KDM7A: variants seen among roughly 807,000 people sequenced by gnomAD.
KDM7A encodes lysine-specific demethylase 7A.
Under a neutral mutation model 114.8 loss-of-function variants are expected in KDM7A, and 28 were observed. That is an observed-to-expected ratio of 0.24 (90% CI 0.18 to 0.33). The LOEUF (loss-of-function observed/expected upper bound fraction) is 0.33. KDM7A is among the 10% of genes least tolerant of loss of function. KDM7A has a pLI of 1.00. For synonymous variants in KDM7A, 423 were observed against 397.8 expected, an observed-to-expected ratio of 1.06 and a Z score of -0.75; for missense variants, 942 against 1,142.5, an observed-to-expected ratio of 0.82 and a Z score of 2.53.
chr7:140,091,085 G>T lies in KDM7A; in HGVS notation c.*9C>A. On this transcript the variant is annotated 3_prime_UTR_variant, in exon 20 of 20. Transcript: ENST00000397560. ...TCCAAAGGGAAGAATGGCTGCAACAGCAGCTCTGTCACACAAAGAAACGTG... is the reference window on the plus strand; with the variant it reads ...TCCAAAGGGAAGAATGGCTGCAACATCAGCTCTGTCACACAAAGAAACGTG... The T allele has an allele frequency of 6.2e-7, 1 of 1,601,504 alleles. No individual in the cohort carries two copies. Among genetic ancestry groups the T allele is most frequent in the Non-Finnish European group, 8.6e-7 (1 of 1,168,432 alleles).
Position 140,176,258 on chromosome 7 carries a change from C to G in KDM7A, c.194+486G>C, listed in dbSNP as rs1794705936. On this transcript the variant is annotated intron_variant, in intron 1 of 19. Transcript: ENST00000397560. The surrounding 1 kb of genome is among the most constrained non-coding windows in gnomAD (Gnocchi z 4.4). ...GCGCGGAGGAGACGCGGGGCCGGGGCGACCCCATCGCCGCCCGGAAGGAAG... is the reference window on the plus strand; with the variant it reads ...GCGCGGAGGAGACGCGGGGCCGGGGGGACCCCATCGCCGCCCGGAAGGAAG... Among the ~76,000 whole-genome samples the G allele has an allele frequency of 6.6e-6, 1 of 150,722 alleles. No homozygotes were observed. The highest frequency in any genetic ancestry group is 1.5e-5 in the Non-Finnish European group (1 of 67,724).
chr7:140,108,706 T>C (rs1818384321), intron 11 of KDM7A, among the ~76,000 whole-genome samples: 1 of 152,230 alleles, frequency 6.6e-6, no homozygotes, highest in Admixed American at 6.5e-5. Flanking sequence ...CCATTTAGGC[T>C]ACCCAGGGGT....
intron 11 of KDM7A, among the ~76,000 whole-genome samples, chr7:140,102,846 T>C (rs1227185711): frequency 6.6e-6 from 1 of 152,252 alleles, no homozygotes; most frequent in African/African-American, 2.4e-5. Flanking sequence ...ATTATACATC[T>C]ATGTAGTTTT....
rs1172558761 is a variant in KDM7A, at chr7:140,084,843, G to A, written c.*6251C>T. The A allele has an allele frequency of 6.6e-6, 1 of 151,996 alleles. No individual in the cohort carries two copies. Among genetic ancestry groups the A allele is most frequent in the Non-Finnish European group, 1.5e-5 (1 of 68,008 alleles). The allele number at this position is 151,996 out of a possible 1,614,324, so 9.4% of individuals were successfully genotyped here. A position where few individuals can be genotyped will look rare whatever the true frequency, so the allele number is the denominator to read the frequency against. On this transcript the variant is annotated 3_prime_UTR_variant, in exon 20 of 20. Coordinates refer to ENST00000397560, the MANE Select transcript of KDM7A (RefSeq NM_030647.2). ...ACAAAATGAGCAAAAAATACACTAA[G>A]TGCTAAAAAAATCAAAACAGAAGTA...
In KDM7A at chr7:140,088,643, C is replaced by A; in HGVS notation, c.*2451G>T. ...CACTGGATCAGTGGCCGAATTTTCA[C>A]CAATTCAGAAAAAGACACATGGATT... On this transcript the variant is annotated 3_prime_UTR_variant, in exon 20 of 20. Transcript: ENST00000397560. 2 of 395,894 alleles carry A rather than the reference C, an allele frequency of 5.1e-6. No homozygotes were observed. Among genetic ancestry groups the A allele is most frequent in the Non-Finnish European group, 8.9e-6 (2 of 224,314 alleles). 24.5% of individuals were successfully genotyped at this position (395,894 alleles called of 1,614,324 possible). A position where few individuals can be genotyped will look rare whatever the true frequency, so the allele number is the denominator to read the frequency against.
At chr7:140,115,504 G>A (rs986248962) in intron 9 of KDM7A, among the ~76,000 whole-genome samples, 2 of 152,094 alleles carry the variant, frequency 1.3e-5, no homozygotes, top group African/African-American at 2.4e-5. Flanking sequence ...CCCCAACCCC[G>A]TGCTCTCTGA....
intron 7 of KDM7A, 140 bp from the exon 8 acceptor site, chr7:140,120,669 C>T: frequency 1.8e-6 from 1 of 557,474 alleles, no homozygotes. Flanking sequence ...ATGTTTATTA[C>T]AATCTATAGA....
intron 11 of KDM7A, among the ~76,000 whole-genome samples, chr7:140,105,951 T>C (rs986477706): frequency 2.0e-5 from 3 of 152,104 alleles, no homozygotes; most frequent in African/African-American, 7.3e-5. Flanking sequence ...CTCTTAATTA[T>C]TGCCTCAATT....
At chr7:140,125,271 C>T (rs1417157113) in intron 6 of KDM7A, among the ~76,000 whole-genome samples, 3 of 152,190 alleles carry the variant, frequency 2.0e-5, no homozygotes, top group South Asian at 2.1e-4. Flanking sequence ...TAGCCCAGAA[C>T]ATTGCTGAGG....
At chr7:140,173,654 C>A (rs974683715) in intron 1 of KDM7A, among the ~76,000 whole-genome samples, 2 of 152,168 alleles carry the variant, frequency 1.3e-5, no homozygotes, top group African/African-American at 4.8e-5. Context: ...TACAGATGGA[C>A]CACCTCTGGT....
intron 4 of KDM7A, 40 bp from the exon 5 acceptor site, chr7:140,127,623 G>T: frequency 6.4e-7 from 1 of 1,552,646 alleles, no homozygotes. Context: ...GGACTTAAGA[G>T]TTACATCAGC....
At chr7:140,093,035 G>C (rs189845707) in intron 18 of KDM7A, among the ~76,000 whole-genome samples, 13 of 152,032 alleles carry the variant, frequency 8.6e-5, no homozygotes, top group Admixed American at 7.2e-4. Context: ...GCAAGTAATT[G>C]CTTAAATATT....
rs1225342027 is a variant in KDM7A, at chr7:140,127,527, T to C, written c.616A>G (p.Thr206Ala). Residue 206 changes from threonine to alanine, a missense_variant, in exon 5 of 20, where the codon ACA (threonine) becomes GCA (alanine). Physicochemically the swap from Thr to Ala is moderately conservative, Grantham distance 58. Around this residue, in one of 4 missense-constraint regions of KDM7A, gnomAD observed 318 missense variants for 453.1 expected, o/e 0.70. Coordinates refer to ENST00000397560, the MANE Select transcript of KDM7A (RefSeq NM_030647.2). The stretch of plus-strand genomic sequence containing the variant: ...AAGTATTTAACATAATTGTGAAGTG[T>C]CATTTTGCTGTCTGCCTGCCTCGCC... ...DVARQADSKM[T>A]LHNYVKYFMN... is the part of the protein sequence containing the mutation. The C allele has an allele frequency of 6.2e-7, 1 of 1,613,874 alleles. No homozygotes were observed. The highest frequency in any genetic ancestry group is 1.7e-5 in the Admixed American group (1 of 60,014).
Position 140,129,529 on chromosome 7 carries a change from G to A in KDM7A, c.523C>T (p.Pro175Ser), listed in dbSNP as rs372090654. ...TCCACATCCATCACAGAAAATGTAG[G>A]TGAAGGGAGCCTGAGTCCTAGATCA... is the stretch of plus-strand genomic sequence containing the variant. ...LDDLGLRLPS[P>S]TFSVMDVERY... is the part of the protein sequence containing the mutation. The change falls in exon 4 of 20, where the codon CCT becomes TCT. Residue 175 changes from proline (P) to serine (S), a missense_variant. Pro to Ser is a moderately conservative substitution (Grantham distance 74, BLOSUM62 -1). Coordinates refer to ENST00000397560, the MANE Select transcript of KDM7A (RefSeq NM_030647.2). 3.7e-6 allele frequency: 6 copies of A among 1,613,518 alleles called. No individual in the cohort carries two copies. The African/African-American group carries it at 8.0e-5, about 22-fold the overall frequency.
intron 7 of KDM7A, among the ~76,000 whole-genome samples, chr7:140,120,964 T>C (rs1446898141): frequency 6.6e-6 from 1 of 152,182 alleles, no homozygotes; most frequent in Non-Finnish European, 1.5e-5. Flanking sequence ...ATTTTACTCT[T>C]TGAGACCAGC....
At position 140,092,064 on chromosome 7, in the gene KDM7A, C is replaced by T. The variant is rs760317643; in HGVS notation, c.2471G>A (p.Ser824Asn). ...ACCTTCCTTTCTGATGCATTTCTGG[C>T]TTCTACTTAGATCCTGAAGGAGGAG... ...SRFHPQDLSR[S>N]QKCIRKEGSS... The change falls in exon 19 of 20, where the codon AGC (serine) becomes AAC (asparagine). Residue 824 changes from serine (S) to asparagine (N), a missense_variant. By Grantham distance (46) the Ser-to-Asn change is conservative (BLOSUM62 1). Transcript: ENST00000397560. 2 of 1,614,062 alleles carry T rather than the reference C, an allele frequency of 1.2e-6. No homozygotes were observed. The highest frequency in any genetic ancestry group is 2.2e-5 in the South Asian group (2 of 91,076).
At chr7:140,115,214 G>A (rs933573029) in intron 9 of KDM7A, among the ~76,000 whole-genome samples, 3 of 150,040 alleles carry the variant, frequency 2.0e-5, no homozygotes, top group Non-Finnish European at 4.4e-5. Context: ...CGTCCGGGAG[G>A]TAGGGGGCGC....
chr7:140,141,976 G>A (rs1018582532), intron 1 of KDM7A, among the ~76,000 whole-genome samples: 2 of 146,396 alleles, frequency 1.4e-5, no homozygotes, highest in African/African-American at 5.0e-5. Context: ...TATAAAATAG[G>A]CTTGATATTT....
intron 18 of KDM7A, among the ~76,000 whole-genome samples, chr7:140,092,686 A>G (rs1224215633): frequency 6.6e-6 from 1 of 152,236 alleles, no homozygotes; most frequent in Non-Finnish European, 1.5e-5. Flanking sequence ...AAAGGAACAG[A>G]CTAGATGTGA....
Sources: gnomAD v4.1 joint callset for allele counts (sites outside exome capture counted in the v4.1 genomes callset) on GRCh38, gnomAD v4.1.1 for gene constraint, gnomAD v4.1.1 regional missense constraint, Gnocchi (gnomAD v3.1) non-coding constraint, MANE v1.5 for transcripts, NCBI Gene and HGNC (gene_info 2026-07-23, HGNC 2026-07-21) for gene names.